Variants in PDE9A observed in about 807,000 individuals in gnomAD.
PDE9A encodes the protein high affinity cGMP-specific 3',5'-cyclic phosphodiesterase 9A.
PDE9A carries 60 observed loss-of-function variants against 87.4 expected under a neutral mutation model. The ratio of observed to expected loss-of-function variants is 0.69; its 90% CI spans 0.56 to 0.85. The LOEUF (loss-of-function observed/expected upper bound fraction) is 0.85, where lower values mean the gene tolerates loss of function less well. Among genes scored for constraint, PDE9A ranks in the 40% least tolerant of loss-of-function variants. The pLI is 0.00. For missense variants in PDE9A, 665 were observed against 779.0 expected (o/e 0.85, Z 1.74); for synonymous variants, 272 against 279.4 (o/e 0.97, Z 0.27).
intron 4 of PDE9A, among the ~76,000 whole-genome samples, chr21:42,719,941 G>A (rs2050328295): frequency 6.6e-6 from 1 of 152,176 alleles, no homozygotes; most frequent in African/African-American, 2.4e-5. Context: ...CGAATTGCCT[G>A]ACAGAATCCT....
Position 42,760,895 on chromosome 21 carries a change from G to A in PDE9A, c.1073G>A (p.Gly358Asp), listed in dbSNP as rs1463849765. 1 of 1,608,378 alleles carries A rather than the reference G, an allele frequency of 6.2e-7. No homozygotes were observed. Among genetic ancestry groups the A allele is most frequent in the Non-Finnish European group, 8.5e-7 (1 of 1,174,740 alleles). The stretch of plus-strand genomic sequence containing the variant: ...ATCTGCCACGATCTGGACCATCCCG[G>A]CTACAACAACACGTATGTACAGGAT... ...AAICHDLDHP[G>D]YNNTYQINAR... Residue 358 changes from glycine (G) to aspartate (D), a missense_variant, in exon 13 of 20, where the codon GGC (glycine) becomes GAC (aspartate). Coordinates refer to ENST00000291539, the MANE Select transcript of PDE9A (RefSeq NM_002606.3). This position sits in a 1 kb window ranked among gnomAD's most constrained non-coding sequence, Gnocchi z 5.2.
In PDE9A at chr21:42,692,649, G is replaced by A. The variant is rs911882327; in HGVS notation, c.218+4655G>A. ...TCTGCAGGTTCCCAGTGAGGAGGAC[G>A]AGGCTGGCCCGGGACACGCCACTGA... On this transcript the variant is annotated intron_variant, in intron 3 of 19. Transcript: ENST00000291539. This position sits in a 1 kb window ranked among gnomAD's most constrained non-coding sequence, Gnocchi z 4.3. Among the ~76,000 whole-genome samples, 4 of 152,228 alleles carry A rather than the reference G, an allele frequency of 2.6e-5. No homozygotes were observed. The South Asian group carries it at 6.2e-4, about 24-fold the overall frequency.
At chr21:42,774,881 C>CAAAAA (rs371603677) in intron 19 of PDE9A, among the ~76,000 whole-genome samples, 4 of 112,360 alleles carry the variant, frequency 3.6e-5, no homozygotes, top group Non-Finnish European at 5.3e-5. Context: ...GACTCCATCT[C>CAAAAA]AAAAAAAAAA....
intron 4 of PDE9A, among the ~76,000 whole-genome samples, chr21:42,714,611 G>C (rs577270731): frequency 1.0e-4 from 15 of 149,982 alleles, no homozygotes; most frequent in African/African-American, 3.7e-4. Context: ...AGCTCTACCA[G>C]TCTTTGTTGA....
At position 42,760,763 on chromosome 21, in the gene PDE9A, C is replaced by G. The variant is rs1268325422; in HGVS notation, c.1003-62C>G. On this transcript the variant is annotated intron_variant, in intron 12 of 19. Transcript: ENST00000291539. This position sits in a 1 kb window ranked among gnomAD's most constrained non-coding sequence, Gnocchi z 5.2. The stretch of plus-strand genomic sequence containing the variant: ...TACCACTCACCCAATTCCACCCCCC[C>G]TCACCCCATCCCACCCTCCGAGTGA... The G allele has an allele frequency of 1.1e-6, 1 of 899,008 alleles. No individual in the cohort carries two copies. Among genetic ancestry groups the G allele is most frequent in the Non-Finnish European group, 1.9e-6 (1 of 538,386 alleles). 55.7% of individuals were successfully genotyped at this position (899,008 alleles called of 1,614,324 possible). A position where few individuals can be genotyped will look rare whatever the true frequency, so the allele number is the denominator to read the frequency against.
Position 42,759,466 on chromosome 21 carries a change from A to G in PDE9A, c.897+381A>G, listed in dbSNP as rs1336176648. The stretch of plus-strand genomic sequence containing the variant: ...GAGTGTGTGTGAGTGTGGGGTGTGG[A>G]TGTGAGCATGGGGGTGTCTGCATGT... On this transcript the variant is annotated intron_variant, in intron 11 of 19. Transcript: ENST00000291539. This position sits in a 1 kb window ranked among gnomAD's most constrained non-coding sequence, Gnocchi z 7.2. Among the ~76,000 whole-genome samples, 1 of 121,022 alleles carries G rather than the reference A, an allele frequency of 8.3e-6. No homozygotes were observed. The highest frequency in any genetic ancestry group is 8.0e-5 in the Admixed American group (1 of 12,496). The allele number at this position is 121,022 out of a possible 152,430, so 79.4% of individuals were successfully genotyped here.
At chr21:42,655,890 C>G (rs530559874) in intron 1 of PDE9A, among the ~76,000 whole-genome samples, 10 of 152,044 alleles carry the variant, frequency 6.6e-5, no homozygotes, top group African/African-American at 2.2e-4. Flanking sequence ...TGCTGTGAAC[C>G]CCGTTGGAAG....
At position 42,731,860 on chromosome 21, in the gene PDE9A, G is replaced by A. The variant is rs145934566; in HGVS notation, c.353G>A (p.Arg118Gln). ...DRRVVGLEQP[R>Q]REGAFESGQV... ...CGGGTTGTGGGCCTGGAGCAGCCCC[G>A]GAGGGAAGGAGCATTTGAAAGTGGA... Residue 118 changes from arginine to glutamine, a missense_variant, in exon 5 of 20, where the codon CGG becomes CAG. Coordinates refer to ENST00000291539, the MANE Select transcript of PDE9A (RefSeq NM_002606.3). The A allele has an allele frequency of 1.6e-3, 2,571 of 1,614,174 alleles. 25 individuals are homozygous for A. The highest frequency in any genetic ancestry group is 6.7e-4 in the Non-Finnish European group (785 of 1,180,026).
At chr21:42,749,203 C>T (rs373178135) in intron 8 of PDE9A, among the ~76,000 whole-genome samples, 1 of 152,176 alleles carries the variant, frequency 6.6e-6, no homozygotes, top group South Asian at 2.1e-4. Flanking sequence ...ATGGCTCTTA[C>T]TGGGCAGTAT....
At chr21:42,746,311 G>A (rs555954042) in intron 8 of PDE9A, among the ~76,000 whole-genome samples, 17 of 152,312 alleles carry the variant, frequency 1.1e-4, no homozygotes, top group Middle Eastern at 3.4e-3. Context: ...CTCATAAACT[G>A]GGCAGCTTAA....
At chr21:42,770,575 C>T (rs1025430951) in intron 17 of PDE9A, 128 bp from the exon 18 acceptor site, 45 of 671,398 alleles carry the variant, frequency 6.7e-5, no homozygotes, top group African/African-American at 5.3e-4. Context: ...AGAGCCGGCA[C>T]GAGGGTGTCC....
rs2058817263 is a variant in PDE9A at position 42,675,831 on chromosome 21, A to T, written c.70-10361A>T. 6.6e-6 allele frequency among the ~76,000 whole-genome samples: 1 copy of T among 152,180 alleles called. No individual in the cohort carries two copies. Among genetic ancestry groups the T allele is most frequent in the East Asian group, 1.9e-4 (1 of 5,198 alleles). Reference sequence around the variant, plus strand: ...CATCTGATCCAGATTCTCCAGTTGTACTTGCTGATGTCGTTTAGATATTTG... The same window carrying T: ...CATCTGATCCAGATTCTCCAGTTGTTCTTGCTGATGTCGTTTAGATATTTG... On this transcript the variant is annotated intron_variant, in intron 1 of 19. Coordinates refer to ENST00000291539, the MANE Select transcript of PDE9A (RefSeq NM_002606.3). This position sits in a 1 kb window ranked among gnomAD's most constrained non-coding sequence, Gnocchi z 4.3.
At position 42,763,783 on chromosome 21, in the gene PDE9A, C is replaced by T. The variant is rs1046082973; in HGVS notation, c.1242+1544C>T. Among the ~76,000 whole-genome samples, 4 of 152,350 alleles carry T rather than the reference C, an allele frequency of 2.6e-5. No homozygotes were observed. In the South Asian group the frequency reaches 6.2e-4, roughly 24 times the overall value. On this transcript the variant is annotated intron_variant, in intron 14 of 19. Coordinates refer to ENST00000291539, the MANE Select transcript of PDE9A (RefSeq NM_002606.3). ...GCACTGGGAAGATACTCACCACCCT[C>T]CAGGCGTGCTGCTGAGCCTCCCTTT...
intron 4 of PDE9A, among the ~76,000 whole-genome samples, chr21:42,711,760 C>A (rs780266402): frequency 3.5e-4 from 53 of 152,084 alleles, no homozygotes; most frequent in Non-Finnish European, 5.6e-4. Context: ...TAGAGACTGC[C>A]ATTCATTTTC....
At position 42,660,476 on chromosome 21, in the gene PDE9A, A is replaced by G. The variant is rs1194865958; in HGVS notation, c.69+6593A>G. On this transcript the variant is annotated intron_variant, in intron 1 of 19. Transcript: ENST00000291539. This position sits in a 1 kb window ranked among gnomAD's most constrained non-coding sequence, Gnocchi z 4.7. ...AATATTTTTGAGAAGAAAATGTTCT[A>G]AGAAAGTGCACAGGGTGGTGGATGA... Among the ~76,000 whole-genome samples the G allele has an allele frequency of 6.6e-6, 1 of 152,068 alleles. No individual in the cohort carries two copies. The highest frequency in any genetic ancestry group is 1.5e-5 in the Non-Finnish European group (1 of 67,998).
chr21:42,737,996 C>G lies in PDE9A; in HGVS notation c.568+4570C>G, dbSNP rs369143291. Among the ~76,000 whole-genome samples, 39 of 152,258 alleles carry G rather than the reference C, an allele frequency of 2.6e-4. No individual in the cohort carries two copies. In the South Asian group the frequency reaches 3.3e-3, roughly 13 times the overall value. On this transcript the variant is annotated intron_variant, in intron 7 of 19. Transcript: ENST00000291539. ...GAGATCTGGGATTTCCCTTACGTTA[C>G]GGATTATTTTGTAAACAGAACACCC... is the stretch of plus-strand genomic sequence containing the variant.
In PDE9A at chr21:42,662,469, C is replaced by G. The variant is rs573023277; in HGVS notation, c.69+8586C>G. Among the ~76,000 whole-genome samples, 560 of 150,246 alleles carry G rather than the reference C, an allele frequency of 3.7e-3. 5 individuals are homozygous for G. The highest frequency in any genetic ancestry group is 0.013 in the African/African-American group (529 of 39,728). On this transcript the variant is annotated intron_variant, in intron 1 of 19. Transcript: ENST00000291539. Reference sequence around the variant, plus strand: ...ACATACACACATATACACGCACACACCCACCACACACACACACCATGCACA... The same window carrying G: ...ACATACACACATATACACGCACACAGCCACCACACACACACACCATGCACA...
intron 4 of PDE9A, among the ~76,000 whole-genome samples, chr21:42,708,200 A>C (rs1249045037): frequency 6.6e-6 from 1 of 152,204 alleles, no homozygotes. Flanking sequence ...GCAGTGTATA[A>C]ATGAAAAATA....
At chr21:42,726,413 A>G (rs1000803387) in intron 4 of PDE9A, among the ~76,000 whole-genome samples, 2 of 150,674 alleles carry the variant, frequency 1.3e-5, no homozygotes, top group African/African-American at 2.5e-5. Context: ...GATTTCTCCT[A>G]TCTTCTCTCT....
Sources: gnomAD v4.1 joint callset for allele counts (sites outside exome capture counted in the v4.1 genomes callset) on GRCh38, gnomAD v4.1.1 for gene constraint, Gnocchi (gnomAD v3.1) non-coding constraint, MANE v1.5 for transcripts, NCBI Gene and HGNC (gene_info 2026-07-23, HGNC 2026-07-21) for gene names.